NBAS: variants seen among roughly 807,000 people sequenced by gnomAD.
The protein encoded by NBAS is NAG/BC035112 fusion.
NBAS carries 219 observed loss-of-function variants against 302.5 expected under a neutral mutation model. That is an observed-to-expected ratio of 0.72 (90% confidence interval 0.65 to 0.81). The LOEUF (loss-of-function observed/expected upper bound fraction) is 0.81, where lower values mean the gene tolerates loss of function less well. Ranked by LOEUF, NBAS falls within the 30% of genes least tolerant of loss-of-function variation. The pLI is 0.00. For missense variants in NBAS, 2,932 were observed against 2,841.6 expected (o/e 1.03, Z -0.72); for synonymous variants, 1,118 against 1,021.6 (o/e 1.09, Z -1.80).
intron 47 of NBAS, among the ~76,000 whole-genome samples, chr2:15,229,347 CAA>C (rs61152926): frequency 0.024 from 1,880 of 76,954 alleles, 42 homozygotes; most frequent in Admixed American, 0.098. Flanking sequence ...TCTCAAAAAA[CAA>C]AAAAAAAAAA....
the NBAS span, among the ~76,000 whole-genome samples, chr2:14,883,743 G>A: frequency 5.9e-5 from 9 of 152,070 alleles, no homozygotes; most frequent in Admixed American, 4.6e-4. Context: ...GACCAAGGCA[G>A]GGGATCTTTT....
chr2:15,496,837 A>G (rs1299257089), intron 11 of NBAS, among the ~76,000 whole-genome samples: 2 of 152,220 alleles, frequency 1.3e-5, no homozygotes, highest in Non-Finnish European at 2.9e-5. Context: ...GTATACAAAT[A>G]AACTAACAAA....
chr2:15,396,853 C>T (rs1209704219), intron 26 of NBAS, among the ~76,000 whole-genome samples: 2 of 152,078 alleles, frequency 1.3e-5, no homozygotes, highest in African/African-American at 4.8e-5. Context: ...GCCATGTTGG[C>T]TTTCTCCTAG....
At chr2:14,821,056 A>T in the NBAS span, among the ~76,000 whole-genome samples, 1 of 151,796 alleles carries the variant, frequency 6.6e-6, no homozygotes, top group Non-Finnish European at 1.5e-5. Context: ...CCTTCCATGT[A>T]GCTGGGACTA....
At chr2:14,923,012 C>T in the NBAS span, among the ~76,000 whole-genome samples, 4 of 152,054 alleles carry the variant, frequency 2.6e-5, no homozygotes, top group Non-Finnish European at 2.9e-5. Context: ...ATTAGCCGGG[C>T]GCCATGGCAG....
chr2:15,234,486 G>A, intron 46 of NBAS, 59 bp downstream of exon 46: 1 of 1,532,950 alleles, frequency 6.5e-7, no homozygotes, highest in African/African-American at 1.4e-5. Flanking sequence ...TGACAGTTTA[G>A]CACCATCACT....
chr2:15,150,937 T>C, the NBAS span, among the ~76,000 whole-genome samples: 1 of 152,146 alleles, frequency 6.6e-6, no homozygotes, highest in African/African-American at 2.4e-5. Flanking sequence ...GCAAAACCTA[T>C]AGTGAGGAAC....
At chr2:15,540,613 G>A (rs1663763591) in intron 6 of NBAS, among the ~76,000 whole-genome samples, 1 of 152,038 alleles carries the variant, frequency 6.6e-6, no homozygotes, top group South Asian at 2.1e-4. Context: ...AGGCCCCATT[G>A]TAGCTTTCCA....
the NBAS span, among the ~76,000 whole-genome samples, chr2:14,870,281 GA>G: frequency 6.6e-6 from 1 of 152,126 alleles, no homozygotes; most frequent in African/African-American, 2.4e-5. Flanking sequence ...AAAGCAGAGG[GA>G]TGCACAGAGA....
At chr2:14,973,228 T>C in the NBAS span, among the ~76,000 whole-genome samples, 1 of 152,156 alleles carries the variant, frequency 6.6e-6, no homozygotes, top group African/African-American at 2.4e-5. Context: ...TTCCTAAGGG[T>C]CCTGAAGTGA....
chr2:15,121,871 A>G, the NBAS span, among the ~76,000 whole-genome samples: 1 of 152,202 alleles, frequency 6.6e-6, no homozygotes, highest in Non-Finnish European at 1.5e-5. Flanking sequence ...TTTATGTATC[A>G]ATATAATAAA....
chr2:15,350,861 G>T (rs1673319987), intron 35 of NBAS, among the ~76,000 whole-genome samples: 1 of 152,180 alleles, frequency 6.6e-6, no homozygotes. Flanking sequence ...TCCTGGATTG[G>T]AGTAACTAGC....
At chr2:15,426,317 G>A (rs1244398455) in intron 22 of NBAS, among the ~76,000 whole-genome samples, 1 of 152,178 alleles carries the variant, frequency 6.6e-6, no homozygotes, top group East Asian at 1.9e-4. Context: ...CTAATATTCT[G>A]GAAGGTCATG....
the NBAS span, among the ~76,000 whole-genome samples, chr2:15,130,584 G>A: frequency 2.0e-5 from 3 of 152,228 alleles, no homozygotes; most frequent in African/African-American, 2.4e-5. Context: ...GAATATGAGC[G>A]TTAGAAAGGA....
At chr2:14,821,440 G>A in the NBAS span, among the ~76,000 whole-genome samples, 4 of 152,238 alleles carry the variant, frequency 2.6e-5, no homozygotes, top group South Asian at 2.1e-4. Context: ...CACCCTGCCC[G>A]CTCTGGATTT....
chr2:14,795,065 G>T, the NBAS span, among the ~76,000 whole-genome samples: 1 of 152,082 alleles, frequency 6.6e-6, no homozygotes, highest in African/African-American at 2.4e-5. Flanking sequence ...ATGAATATTT[G>T]TGTACAAGTC....
chr2:15,103,067 G>A, the NBAS span, among the ~76,000 whole-genome samples: 98 of 151,152 alleles, frequency 6.5e-4, no homozygotes, highest in African/African-American at 2.2e-3. Context: ...AAGGAAGGGA[G>A]GGAGGGAGGC....
At chr2:14,876,650 C>G in the NBAS span, among the ~76,000 whole-genome samples, 1 of 152,212 alleles carries the variant, frequency 6.6e-6, no homozygotes, top group Non-Finnish European at 1.5e-5. Context: ...ACTAGCTCAG[C>G]CAGAAGACTG....
intron 25 of NBAS, among the ~76,000 whole-genome samples, chr2:15,411,334 G>A (rs747068003): frequency 6.6e-6 from 1 of 152,070 alleles, no homozygotes; most frequent in Non-Finnish European, 1.5e-5. Context: ...TCCTTCTCAT[G>A]AGTATTTCTC....
Sources: gnomAD v4.1 joint callset for allele counts (sites outside exome capture counted in the v4.1 genomes callset) on GRCh38, gnomAD v4.1.1 for gene constraint, MANE v1.5 for transcripts, NCBI Gene and HGNC (gene_info 2026-07-23, HGNC 2026-07-21) for gene names.